SGCD: variants seen among roughly 807,000 people sequenced by gnomAD.
SGCD encodes the protein sarcoglycan delta, also known as delta-sarcoglycan.
A neutral mutation model predicts 36.6 loss-of-function variants in SGCD; 18 were observed. The observed-to-expected ratio is 0.49, with a 90% confidence interval of 0.34 to 0.73. The LOEUF is 0.73. SGCD is among the 30% of genes least tolerant of loss of function. The pLI is 0.01. For missense variants in SGCD, 387 were observed against 346.7 expected, an observed-to-expected ratio of 1.12 and a Z score of -0.92; for synonymous variants, 133 against 130.6, an observed-to-expected ratio of 1.02 and a Z score of -0.12.
At chr5:155,769,215 A>T in the SGCD span, among the ~76,000 whole-genome samples, 1 of 152,114 alleles carries the variant, frequency 6.6e-6, no homozygotes, top group African/African-American at 2.4e-5. Flanking sequence ...TTGAGTTAAT[A>T]CACTCTATGC....
At chr5:156,625,683 G>T (rs1762413793) in intron 6 of SGCD, among the ~76,000 whole-genome samples, 1 of 152,170 alleles carries the variant, frequency 6.6e-6, no homozygotes, top group African/African-American at 2.4e-5. Context: ...CTGTCCTAAT[G>T]TCCTAATGTA....
chr5:156,561,417 A>T (rs1193851658), intron 4 of SGCD, among the ~76,000 whole-genome samples: 1 of 152,244 alleles, frequency 6.6e-6, no homozygotes, highest in African/African-American at 2.4e-5. Flanking sequence ...TGAAAGAATT[A>T]ACCAGTGAAA....
intron 3 of SGCD, among the ~76,000 whole-genome samples, chr5:156,149,126 G>A (rs1354609083): frequency 6.6e-6 from 1 of 152,148 alleles, no homozygotes; most frequent in African/African-American, 2.4e-5. Flanking sequence ...GAACCTGGCT[G>A]TCACAGGTAC....
intron 1 of SGCD, among the ~76,000 whole-genome samples, chr5:156,072,749 C>T: frequency 6.6e-6 from 1 of 152,290 alleles, no homozygotes. Flanking sequence ...TCCATTCTCC[C>T]CATCACTTTC....
At chr5:156,541,202 G>C (rs1338981314) in intron 4 of SGCD, among the ~76,000 whole-genome samples, 1 of 152,178 alleles carries the variant, frequency 6.6e-6, no homozygotes, top group Non-Finnish European at 1.5e-5. Context: ...CAATGGAAGA[G>C]CTGTACAAGT....
At chr5:156,332,163 G>A (rs534944487) in intron 2 of SGCD, among the ~76,000 whole-genome samples, 5 of 152,272 alleles carry the variant, frequency 3.3e-5, no homozygotes, top group East Asian at 3.9e-4. Context: ...AAAAGTTTGC[G>A]TCCCCACCCC....
intron 6 of SGCD, among the ~76,000 whole-genome samples, chr5:156,626,563 A>G (rs753714916): frequency 2.6e-5 from 4 of 152,138 alleles, no homozygotes; most frequent in African/African-American, 9.7e-5. Flanking sequence ...ACAATGACCT[A>G]TTTTTGTTGG....
chr5:156,466,805 T>C (rs969511687), intron 3 of SGCD, among the ~76,000 whole-genome samples: 1 of 152,086 alleles, frequency 6.6e-6, no homozygotes, highest in Non-Finnish European at 1.5e-5. Flanking sequence ...AAAAAGAACT[T>C]TCTAGTCAAA....
chr5:156,379,312 A>G (rs1041009593), intron 3 of SGCD, among the ~76,000 whole-genome samples: 1 of 152,190 alleles, frequency 6.6e-6, no homozygotes, highest in African/African-American at 2.4e-5. Context: ...TAGTCCAAGA[A>G]AAGCCTCACA....
intron 3 of SGCD, among the ~76,000 whole-genome samples, chr5:156,406,036 G>GAAAAAAAAAAAAAAAAAAAAAATT: frequency 7.3e-6 from 1 of 136,632 alleles, no homozygotes; most frequent in African/African-American, 2.8e-5. Context: ...AAAAAAAAAG[G>GAAAAAAAAAAAAAAAAAAAAAATT]CCTCTGGGCA....
chr5:155,802,839 G>A, the SGCD span, among the ~76,000 whole-genome samples: 1 of 152,268 alleles, frequency 6.6e-6, no homozygotes, highest in Non-Finnish European at 1.5e-5. Context: ...CTGGCCCTTT[G>A]AAGTTCAGCT....
At chr5:156,685,145 G>A (rs191542756) in intron 7 of SGCD, among the ~76,000 whole-genome samples, 7 of 152,270 alleles carry the variant, frequency 4.6e-5, no homozygotes, top group Admixed American at 3.9e-4. Context: ...AAGGAAAGGG[G>A]CAGATGCTGA....
chr5:156,102,295 G>A (rs1160975644), intron 1 of SGCD, among the ~76,000 whole-genome samples: 1 of 151,984 alleles, frequency 6.6e-6, no homozygotes, highest in African/African-American at 2.4e-5. Flanking sequence ...TTTTATACCA[G>A]CTTCCATTGA....
the SGCD span, among the ~76,000 whole-genome samples, chr5:155,838,790 A>AG: frequency 6.7e-6 from 1 of 149,616 alleles, no homozygotes; most frequent in African/African-American, 2.5e-5. Context: ...AAAAAAAAAA[A>AG]AACAATTCAA....
chr5:156,131,446 T>G (rs1431086099), intron 3 of SGCD, among the ~76,000 whole-genome samples: 1 of 152,220 alleles, frequency 6.6e-6, no homozygotes, highest in Non-Finnish European at 1.5e-5. Flanking sequence ...ATGTGATGGT[T>G]ACTTACGAGC....
chr5:156,019,665 A>T (rs1277560118), intron 1 of SGCD, among the ~76,000 whole-genome samples: 2 of 152,214 alleles, frequency 1.3e-5, no homozygotes, highest in African/African-American at 4.8e-5. Flanking sequence ...AGCTATATCA[A>T]CACAGTGCCG....
At chr5:156,134,890 G>A (rs1235535783) in intron 3 of SGCD, among the ~76,000 whole-genome samples, 1 of 151,782 alleles carries the variant, frequency 6.6e-6, no homozygotes, top group Non-Finnish European at 1.5e-5. Context: ...GGCTTGACTG[G>A]ACTCCCTTGA....
chr5:156,391,219 A>G (rs1771542547), intron 3 of SGCD, among the ~76,000 whole-genome samples: 1 of 152,272 alleles, frequency 6.6e-6, no homozygotes, highest in Admixed American at 6.5e-5. Context: ...TATTAAGTAC[A>G]GTAACGTGCT....
chr5:155,848,862 AC>A, the SGCD span, among the ~76,000 whole-genome samples: 2 of 152,310 alleles, frequency 1.3e-5, no homozygotes, highest in Admixed American at 1.3e-4. Context: ...CCTTAACTTT[AC>A]TCATGTAAGA....
Sources: gnomAD v4.1 joint callset for allele counts (sites outside exome capture counted in the v4.1 genomes callset) on GRCh38, gnomAD v4.1.1 for gene constraint, MANE v1.5 for transcripts, NCBI Gene and HGNC (gene_info 2026-07-23, HGNC 2026-07-21) for gene names.